KIRREL3: variants seen among roughly 807,000 people sequenced by gnomAD.
The protein encoded by KIRREL3 is kirre like nephrin family adhesion molecule 3, also known as kin of IRRE-like protein 3.
Under a neutral mutation model 89.7 loss-of-function variants are expected in KIRREL3, and 36 were observed. The ratio of observed to expected loss-of-function variants is 0.40; its 90% CI spans 0.31 to 0.53. The LOEUF is 0.53. Among genes scored for constraint, KIRREL3 ranks in the 20% least tolerant of loss-of-function variants. KIRREL3 has a pLI of 0.49. For missense variants in KIRREL3, 864 were observed against 1,056.6 expected, an observed-to-expected ratio of 0.82 and a Z score of 2.53; for synonymous variants, 445 against 441.4, an observed-to-expected ratio of 1.01 and a Z score of -0.10.
rs1209128207 is a variant in KIRREL3, at chr11:126,608,244, C to T, written c.56-45332G>A. Among the ~76,000 whole-genome samples the T allele has an allele frequency of 6.6e-6, 1 of 151,658 alleles. No homozygotes were observed. The highest frequency in any genetic ancestry group is 2.4e-5 in the African/African-American group (1 of 40,934). On this transcript the variant is annotated intron_variant, in intron 1 of 16. Transcript: ENST00000525144. The surrounding 1 kb of genome is among the most constrained non-coding windows in gnomAD (Gnocchi z 4.9). ...GCTGAAGGGGGCGGTCTCAGAAGCCCCCGCTGGGAGCCTCCTATCCACCTG... is the reference window on the plus strand; with the variant it reads ...GCTGAAGGGGGCGGTCTCAGAAGCCTCCGCTGGGAGCCTCCTATCCACCTG...
At position 126,924,435 on chromosome 11, in the gene KIRREL3, A is replaced by C. The variant is rs1255607793; in HGVS notation, c.55+76020T>G. 6.6e-6 allele frequency among the ~76,000 whole-genome samples: 1 copy of C among 152,278 alleles called. No homozygotes were observed. ...TGTGTTCAATGAAAAAATAATTGGGATCTAAAATAAAGAGGATTTCCAGGC... is the reference window on the plus strand; with the variant it reads ...TGTGTTCAATGAAAAAATAATTGGGCTCTAAAATAAAGAGGATTTCCAGGC... On this transcript the variant is annotated intron_variant, in intron 1 of 16. Transcript: ENST00000525144. This position sits in a 1 kb window ranked among gnomAD's most constrained non-coding sequence, Gnocchi z 4.7.
At position 126,463,429 on chromosome 11, in the gene KIRREL3, G is replaced by A. The variant is rs577409594; in HGVS notation, c.592-122C>T. 2.0e-6 allele frequency: 2 copies of A among 1,010,554 alleles called. No individual in the cohort carries two copies. The highest frequency in any genetic ancestry group is 2.9e-6 in the Non-Finnish European group (2 of 697,576). The allele number at this position is 1,010,554 out of a possible 1,614,324, so 62.6% of individuals were successfully genotyped here. A position where few individuals can be genotyped will look rare whatever the true frequency, so the allele number is the denominator to read the frequency against. ...GGGGAGCTGTGGATGGAGGGGTTCAGCTTAGGAGACCTGGGCTGCCCATGT... is the reference window on the plus strand; with the variant it reads ...GGGGAGCTGTGGATGGAGGGGTTCAACTTAGGAGACCTGGGCTGCCCATGT... On this transcript the variant is annotated intron_variant, in intron 5 of 16. Coordinates refer to ENST00000525144, the MANE Select transcript of KIRREL3 (RefSeq NM_032531.4). The surrounding 1 kb of genome is among the most constrained non-coding windows in gnomAD (Gnocchi z 5.9).
intron 7 of KIRREL3, among the ~76,000 whole-genome samples, chr11:126,449,489 A>G (rs1422907356): frequency 6.6e-6 from 1 of 152,220 alleles, no homozygotes. Flanking sequence ...TGGAAAATCC[A>G]ACTGTCAGTG....
chr11:126,533,876 A>T (rs567457978), intron 2 of KIRREL3, among the ~76,000 whole-genome samples: 1 of 152,212 alleles, frequency 6.6e-6, no homozygotes, highest in Non-Finnish European at 1.5e-5. Context: ...ACAAATGCTC[A>T]GGGGAAACCG....
At chr11:126,834,652 G>A (rs1943719058) in intron 1 of KIRREL3, among the ~76,000 whole-genome samples, 2 of 152,234 alleles carry the variant, frequency 1.3e-5, no homozygotes, top group Admixed American at 1.3e-4. Flanking sequence ...TATCTGATTT[G>A]TAAAGAAGAG....
At chr11:126,450,881 G>C (rs1656654238) in intron 7 of KIRREL3, among the ~76,000 whole-genome samples, 1 of 148,442 alleles carries the variant, frequency 6.7e-6, no homozygotes, top group South Asian at 2.1e-4. Context: ...ATGTGTGCAT[G>C]TGTGCATGTG....
intron 5 of KIRREL3, among the ~76,000 whole-genome samples, chr11:126,468,291 C>G (rs941073676): frequency 6.6e-6 from 1 of 152,228 alleles, no homozygotes. Flanking sequence ...AACCCACTGT[C>G]CCCAGACAGC....
At chr11:126,765,698 C>T (rs535987314) in intron 1 of KIRREL3, among the ~76,000 whole-genome samples, 9 of 152,266 alleles carry the variant, frequency 5.9e-5, no homozygotes, top group East Asian at 5.8e-4. Context: ...AGGCAGTTTT[C>T]GGGGAAGCAA....
At chr11:126,878,996 G>A (rs1472811990) in intron 1 of KIRREL3, among the ~76,000 whole-genome samples, 2 of 152,164 alleles carry the variant, frequency 1.3e-5, no homozygotes, top group African/African-American at 2.4e-5. Flanking sequence ...TATTAAAGAC[G>A]ATCTCTCTCC....
rs1280447079 is a variant in KIRREL3, at chr11:126,715,099, C to G, written c.56-152187G>C. Among the ~76,000 whole-genome samples the G allele has an allele frequency of 6.6e-6, 1 of 152,206 alleles. No individual in the cohort carries two copies. Among genetic ancestry groups the G allele is most frequent in the Non-Finnish European group, 1.5e-5 (1 of 68,038 alleles). On this transcript the variant is annotated intron_variant, in intron 1 of 16. Coordinates refer to ENST00000525144, the MANE Select transcript of KIRREL3 (RefSeq NM_032531.4). The surrounding 1 kb of genome is among the most constrained non-coding windows in gnomAD (Gnocchi z 4.4). ...CTAATGATCAGGTTCTTGTGCAAGCCTGTGACACTTTCACCTTGTGACAAT... is the reference window on the plus strand; with the variant it reads ...CTAATGATCAGGTTCTTGTGCAAGCGTGTGACACTTTCACCTTGTGACAAT...
rs1385216182 is a variant in KIRREL3, at chr11:126,906,311, T to C, written c.55+94144A>G. On this transcript the variant is annotated intron_variant, in intron 1 of 16. Coordinates refer to ENST00000525144, the MANE Select transcript of KIRREL3 (RefSeq NM_032531.4). The surrounding 1 kb of genome is among the most constrained non-coding windows in gnomAD (Gnocchi z 4.1). Reference sequence around the variant, plus strand: ...GCCTTGTGTGACTGATGAGCCACTTTTCGTTGTTTGCTTTCTTAAAAATAA... The same window carrying C: ...GCCTTGTGTGACTGATGAGCCACTTCTCGTTGTTTGCTTTCTTAAAAATAA... Among the ~76,000 whole-genome samples, 4 of 152,188 alleles carry C rather than the reference T, an allele frequency of 2.6e-5. No homozygotes were observed. Among genetic ancestry groups the C allele is most frequent in the South Asian group, 2.1e-4 (1 of 4,828 alleles).
Position 126,561,089 on chromosome 11 carries a change from T to A in KIRREL3, c.133+1746A>T, listed in dbSNP as rs1940084885. ...CGTATGAGCTTTAGAGAGAGAGAAATGTATAATGTGGTACTTAGGGCAGCA... is the reference window on the plus strand; with the variant it reads ...CGTATGAGCTTTAGAGAGAGAGAAAAGTATAATGTGGTACTTAGGGCAGCA... On this transcript the variant is annotated intron_variant, in intron 2 of 16. Transcript: ENST00000525144. The surrounding 1 kb of genome is among the most constrained non-coding windows in gnomAD (Gnocchi z 4.5). Among the ~76,000 whole-genome samples, 1 of 152,138 alleles carries A rather than the reference T, an allele frequency of 6.6e-6. No individual in the cohort carries two copies. The highest frequency in any genetic ancestry group is 6.5e-5 in the Admixed American group (1 of 15,268).
intron 1 of KIRREL3, among the ~76,000 whole-genome samples, chr11:126,813,312 T>C (rs1482793655): frequency 6.6e-6 from 1 of 152,170 alleles, no homozygotes. Context: ...ATTAAAAACA[T>C]GTTCACTAGT....
chr11:126,451,375 AGC>A (rs1565464492), intron 7 of KIRREL3, among the ~76,000 whole-genome samples: 49 of 54,202 alleles, frequency 9.0e-4, no homozygotes, highest in South Asian at 2.3e-3. Context: ...ACTATGTGTG[AGC>A]GTGTGCATGT....
chr11:126,598,078 G>A (rs756939890), intron 1 of KIRREL3, among the ~76,000 whole-genome samples: 1 of 152,242 alleles, frequency 6.6e-6, no homozygotes, highest in Admixed American at 6.5e-5. Flanking sequence ...TAATGAGCAG[G>A]CGCAAGAATA....
In KIRREL3 at chr11:126,515,774, T is replaced by C. The variant is rs1190187429; in HGVS notation, c.433+5541A>G. Among the ~76,000 whole-genome samples, 1 of 152,150 alleles carries C rather than the reference T, an allele frequency of 6.6e-6. No homozygotes were observed. The highest frequency in any genetic ancestry group is 1.5e-5 in the Non-Finnish European group (1 of 68,018). On this transcript the variant is annotated intron_variant, in intron 4 of 16. Transcript: ENST00000525144. The surrounding 1 kb of genome is among the most constrained non-coding windows in gnomAD (Gnocchi z 4.2). ...CTGGCAGGGAGCTTGGGTTTTGTTC[T>C]GTGGGGACACTTTCTCGCCCCTGAA...
chr11:126,529,859 GTTTT>G (rs60236598), intron 2 of KIRREL3, among the ~76,000 whole-genome samples: 102 of 141,060 alleles, frequency 7.2e-4, no homozygotes, highest in Admixed American at 1.4e-3. Flanking sequence ...AAACCAATGA[GTTTT>G]TTTTTTTTTT....
In KIRREL3 at chr11:126,473,329, T is replaced by C; in HGVS notation, c.571A>G (p.Asn191Asp). 7.3e-7 allele frequency: 1 copy of C among 1,363,062 alleles called. No homozygotes were observed. 84.4% of individuals were successfully genotyped at this position (1,363,062 alleles called of 1,614,324 possible). ...IIWLRKGEVI[N>D]GATYSKTLLR... is the part of the protein sequence containing the mutation. Reference sequence around the variant, plus strand: ...CTCACCTTGGAGTAGGTGGCCCCATTGATGACCTCTCCCTTTCGCAACCAG... The same window carrying C: ...CTCACCTTGGAGTAGGTGGCCCCATCGATGACCTCTCCCTTTCGCAACCAG... The change falls in exon 5 of 17, where the codon AAT becomes GAT. Residue 191 changes from asparagine (N) to aspartate (D), a missense_variant. Physicochemically the swap from Asn to Asp is conservative, Grantham distance 23 (BLOSUM62 1). Transcript: ENST00000525144.
chr11:126,458,448 G>A (rs1218376998), intron 6 of KIRREL3, among the ~76,000 whole-genome samples: 6 of 118,314 alleles, frequency 5.1e-5, no homozygotes, highest in African/African-American at 1.7e-4. Context: ...GCTGCAGACC[G>A]AGCCGGCCTT....
Sources: allele counts gnomAD v4.1 joint callset (sites outside exome capture counted in the v4.1 genomes callset), GRCh38; gene constraint gnomAD v4.1.1; non-coding constraint Gnocchi (gnomAD v3.1); transcripts MANE v1.5; gene names NCBI Gene and HGNC (gene_info 2026-07-23, HGNC 2026-07-21).